Variants in PRICKLE2 observed in about 807,000 individuals in gnomAD.
PRICKLE2 encodes prickle-like protein 2.
In PRICKLE2, 21 loss-of-function variants were observed where a neutral mutation model predicts 81.4. That is an observed-to-expected ratio of 0.26 (90% CI 0.18 to 0.37). The LOEUF (loss-of-function observed/expected upper bound fraction) is 0.37. Among genes scored for constraint, PRICKLE2 ranks in the 10% least tolerant of loss-of-function variants. PRICKLE2 has a pLI of 1.00. For synonymous variants in PRICKLE2, 456 were observed against 421.5 expected (o/e 1.08, Z -1.00); for missense variants, 940 against 1,109.0 (o/e 0.85, Z 2.16).
chr3:64,250,360 A>T (rs1019515924), intron 2 of PRICKLE2, among the ~76,000 whole-genome samples: 3 of 152,228 alleles, frequency 2.0e-5, no homozygotes, highest in African/African-American at 7.2e-5. Context: ...ACAATAAAAG[A>T]TGTCTCCAGA....
intron 7 of PRICKLE2, chr3:64,103,576 G>A (rs2076702799): frequency 6.6e-6 from 1 of 152,236 alleles, no homozygotes; most frequent in Non-Finnish European, 1.5e-5. Context: ...ACTAAATCTG[G>A]ATGGTGGCTG....
intron 7 of PRICKLE2, among the ~76,000 whole-genome samples, chr3:64,134,353 G>T (rs893209455): frequency 6.6e-6 from 1 of 152,180 alleles, no homozygotes; most frequent in Non-Finnish European, 1.5e-5. Flanking sequence ...GTCCCTTCCC[G>T]TGACATCATA....
At chr3:64,223,486 T>C (rs990932929) in intron 1 of PRICKLE2, among the ~76,000 whole-genome samples, 6 of 152,200 alleles carry the variant, frequency 3.9e-5, no homozygotes, top group African/African-American at 7.2e-5. Flanking sequence ...TCTTCCTCTA[T>C]TTCTATTTTA....
In PRICKLE2 at chr3:64,099,926, C is replaced by G; in HGVS notation, c.1661-1G>C. On this transcript the variant is annotated splice_acceptor_variant, in intron 7 of 7. Transcript: ENST00000638394. LOFTEE classifies it high-confidence loss of function. The surrounding 1 kb of genome is among the most constrained non-coding windows in gnomAD (Gnocchi z 4.3). ...TTGGCACCACCATCAGCAGAGAGGC[C>G]TGGGGAAGAGAGGAGGGGACCACAG... 6.2e-7 allele frequency: 1 copy of G among 1,614,024 alleles called. No homozygotes were observed. Among genetic ancestry groups the G allele is most frequent in the Non-Finnish European group, 8.5e-7 (1 of 1,180,018 alleles).
upstream of PRICKLE2, among the ~76,000 whole-genome samples, chr3:64,225,789 G>C (rs141160754): frequency 1.3e-5 from 2 of 151,928 alleles, no homozygotes; most frequent in Non-Finnish European, 2.9e-5. Context: ...CAACCTGAGC[G>C]CCTGTTTCAG....
At chr3:64,134,111 C>G (rs879351643) in intron 7 of PRICKLE2, among the ~76,000 whole-genome samples, 2 of 152,206 alleles carry the variant, frequency 1.3e-5, no homozygotes, top group African/African-American at 4.8e-5. Flanking sequence ...TTACCCCACA[C>G]CACCCAGCAG....
At chr3:64,263,901 A>G (rs1304285827) in intron 2 of PRICKLE2, among the ~76,000 whole-genome samples, 1 of 152,166 alleles carries the variant, frequency 6.6e-6, no homozygotes. Flanking sequence ...GTCTCCCTCA[A>G]TTCCATCACA....
intron 4 of PRICKLE2, among the ~76,000 whole-genome samples, chr3:64,159,234 T>C (rs1441958974): frequency 6.6e-6 from 1 of 152,144 alleles, no homozygotes; most frequent in Non-Finnish European, 1.5e-5. Context: ...CCTGTCAACA[T>C]GACTCGGAAG....
intron 7 of PRICKLE2, among the ~76,000 whole-genome samples, chr3:64,109,909 A>C (rs1351160764): frequency 6.6e-6 from 1 of 152,200 alleles, no homozygotes; most frequent in East Asian, 1.9e-4. Context: ...TAAAAACTTG[A>C]GTGTGGATTG....
At chr3:64,219,283 C>G (rs557877956) in intron 1 of PRICKLE2, among the ~76,000 whole-genome samples, 1 of 152,158 alleles carries the variant, frequency 6.6e-6, no homozygotes, top group African/African-American at 2.4e-5. Flanking sequence ...GATTTAGGAC[C>G]TTCATGTTCA....
intron 2 of PRICKLE2, among the ~76,000 whole-genome samples, chr3:64,178,570 C>A (rs1033742655): frequency 6.6e-6 from 1 of 152,176 alleles, no homozygotes; most frequent in Non-Finnish European, 1.5e-5. Context: ...GAAGAAGGAA[C>A]CAACCATTTG....
chr3:64,165,963 GGTGTGTGTGTGT>G (rs67554015), intron 2 of PRICKLE2, among the ~76,000 whole-genome samples: 766 of 61,854 alleles, frequency 0.012, 4 homozygotes, highest in African/African-American at 0.026. Context: ...CTGTTATAAA[GGTGTGTGTGTGT>G]GTGTGTGTGT....
At chr3:64,232,880 C>T (rs180821546) in intron 2 of PRICKLE2, among the ~76,000 whole-genome samples, 1 of 152,280 alleles carries the variant, frequency 6.6e-6, no homozygotes, top group East Asian at 1.9e-4. Context: ...CATCCTTCAC[C>T]CCTGACATCT....
intron 2 of PRICKLE2, among the ~76,000 whole-genome samples, chr3:64,165,293 G>T (rs2077811367): frequency 6.6e-6 from 1 of 152,072 alleles, no homozygotes; most frequent in African/African-American, 2.4e-5. Flanking sequence ...AATCTTCCCT[G>T]CACCCTCTAG....
At chr3:64,129,803 T>C (rs1296116213) in intron 7 of PRICKLE2, among the ~76,000 whole-genome samples, 2 of 151,702 alleles carry the variant, frequency 1.3e-5, no homozygotes, top group Non-Finnish European at 2.9e-5. Flanking sequence ...GCTGGAGAGG[T>C]GTGAGGAAAG....
intron 7 of PRICKLE2, among the ~76,000 whole-genome samples, chr3:64,138,179 G>C (rs536935298): frequency 6.6e-6 from 1 of 151,902 alleles, no homozygotes; most frequent in East Asian, 1.9e-4. Flanking sequence ...CTCTTCCTTT[G>C]AAAACATGAC....
chr3:64,120,025 A>T (rs572542333), intron 7 of PRICKLE2, among the ~76,000 whole-genome samples: 1 of 152,184 alleles, frequency 6.6e-6, no homozygotes, highest in South Asian at 2.1e-4. Context: ...AACGGATGTA[A>T]AGATGGCAAC....
chr3:64,242,846 C>T (rs1485106266), intron 2 of PRICKLE2, among the ~76,000 whole-genome samples: 1 of 152,254 alleles, frequency 6.6e-6, no homozygotes, highest in Non-Finnish European at 1.5e-5. Context: ...AAGAGGAGCA[C>T]AGTCTGACTG....
upstream of PRICKLE2, among the ~76,000 whole-genome samples, chr3:64,230,270 T>C (rs534279535): frequency 2.0e-5 from 3 of 152,306 alleles, no homozygotes; most frequent in East Asian, 5.8e-4. Context: ...ATTTGTGCTA[T>C]GTAAAAACAT....
Sources: gnomAD v4.1 joint callset for allele counts (sites outside exome capture counted in the v4.1 genomes callset) on GRCh38, gnomAD v4.1.1 for gene constraint, Gnocchi (gnomAD v3.1) non-coding constraint, MANE v1.5 for transcripts, NCBI Gene and HGNC (gene_info 2026-07-23, HGNC 2026-07-21) for gene names.